The following SNAPC4 variants were observed in gnomAD, a reference collection of about 807,000 sequenced individuals.
SNAPC4 encodes the protein snRNA-activating protein complex subunit 4.
In SNAPC4, 127 loss-of-function variants were observed where a neutral mutation model predicts 151.3. The ratio of observed to expected loss-of-function variants is 0.84; its 90% CI spans 0.73 to 0.97. The LOEUF (loss-of-function observed/expected upper bound fraction) is 0.97. SNAPC4 is among the 50% of genes least tolerant of loss of function. The pLI, the probability that SNAPC4 is intolerant of heterozygous loss-of-function variation, is 0.00. For synonymous variants in SNAPC4, 1,002 were observed against 824.4 expected (o/e 1.22, Z -3.69); for missense variants, 2,186 against 1,935.0 (o/e 1.13, Z -2.43).
Position 136,378,625 on chromosome 9 carries a change from C to T in SNAPC4, c.3202G>A (p.Val1068Met). The part of the protein sequence containing the change: ...LSLTHIGGPH[V>M]ATSVPLPVTW... ...ACAGGCAGGGGGACACTGGTCGCCA[C>T]ATGTGGCCCTCCTATGTGCGTCAGG... Residue 1068 changes from valine to methionine, a missense_variant, in exon 22 of 24, where the codon GTG becomes ATG. Transcript: ENST00000684778. The T allele has an allele frequency of 6.4e-7, 1 of 1,560,552 alleles. No homozygotes were observed. Among genetic ancestry groups the T allele is most frequent in the South Asian group, 1.2e-5 (1 of 84,368 alleles).
Position 136,392,101 on chromosome 9 carries a change from T to C in SNAPC4, c.816A>G (p.Glu272=). The stretch of plus-strand genomic sequence containing the variant: ...GGATCTCCTCTGCACTGCGGCTGCC[T>C]TCAAACTGCACCGACAGAGACACTC... ...DWEKISNINF[E]GSRSAEEIRK... is the part of the protein sequence containing the mutation. The change falls in exon 10 of 24, where the codon GAA becomes GAG. Residue 272 remains glutamate, a synonymous_variant. Coordinates refer to ENST00000684778, the MANE Select transcript of SNAPC4 (RefSeq NM_003086.4). 1 of 1,611,892 alleles carries C rather than the reference T, an allele frequency of 6.2e-7. No individual in the cohort carries two copies. Among genetic ancestry groups the C allele is most frequent in the Non-Finnish European group, 8.5e-7 (1 of 1,179,980 alleles).
At chr9:136,397,134 G>T in intron 2 of SNAPC4, 111 bp from the exon 3 acceptor site, 1 of 953,300 alleles carries the variant, frequency 1.0e-6, no homozygotes, top group Non-Finnish European at 1.7e-6. Flanking sequence ...TAGTGACAGC[G>T]CCTCAGGCTG....
chr9:136,377,943 G>C lies in SNAPC4; in HGVS notation c.3884C>G (p.Pro1295Arg). Residue 1295 changes from proline to arginine, a missense_variant, in exon 22 of 24, where the codon CCT (proline) becomes CGT (arginine). Pro to Arg is a moderately radical substitution (Grantham distance 103, BLOSUM62 -2). Coordinates refer to ENST00000684778, the MANE Select transcript of SNAPC4 (RefSeq NM_003086.4). ...ATAGGGCAGTCTGCTGCCCAGAAGA[G>C]GCACACGCACCCCCCGCTGGCCCCC... ...WLGGQRGVRVPLLGSRLPYQP... is the reference protein window; with the variant it reads ...WLGGQRGVRVRLLGSRLPYQP... The C allele has an allele frequency of 6.2e-7, 1 of 1,605,922 alleles. No individual in the cohort carries two copies. The highest frequency in any genetic ancestry group is 8.5e-7 in the Non-Finnish European group (1 of 1,176,470).
rs1321717295 is a variant in SNAPC4, at chr9:136,378,620, C to T, written c.3207G>A (p.Ala1069=). 6 of 1,564,922 alleles carry T rather than the reference C, an allele frequency of 3.8e-6. No homozygotes were observed. The highest frequency in any genetic ancestry group is 5.2e-6 in the Non-Finnish European group (6 of 1,158,268). The change falls in exon 22 of 24, where the codon GCG becomes GCA. Residue 1069 remains alanine, a synonymous_variant. Coordinates refer to ENST00000684778, the MANE Select transcript of SNAPC4 (RefSeq NM_003086.4). ...SLTHIGGPHV[A]TSVPLPVTWV... The stretch of plus-strand genomic sequence containing the variant: ...AGGTGACAGGCAGGGGGACACTGGT[C>T]GCCACATGTGGCCCTCCTATGTGCG...
At chr9:136,385,612 G>A (rs1833864644) in intron 13 of SNAPC4, among the ~76,000 whole-genome samples, 1 of 151,912 alleles carries the variant, frequency 6.6e-6, no homozygotes, top group African/African-American at 2.4e-5. Context: ...CTGGAGTGCA[G>A]TGGCGCAATC....
intron 13 of SNAPC4, among the ~76,000 whole-genome samples, chr9:136,387,043 C>T (rs1327074635): frequency 6.6e-6 from 1 of 152,248 alleles, no homozygotes; most frequent in Non-Finnish European, 1.5e-5. Flanking sequence ...CTGCGCCCAG[C>T]TTCGGAAATA....
intron 3 of SNAPC4, 48 bp downstream of exon 3, chr9:136,396,929 G>A: frequency 6.5e-7 from 1 of 1,543,420 alleles, no homozygotes; most frequent in Non-Finnish European, 9.0e-7. Flanking sequence ...TTTGGAAGGT[G>A]GTGGCAGGCC....
rs200142063 is a variant in SNAPC4 at position 136,383,641 on chromosome 9, G to T, written c.1528C>A (p.Arg510=). 143 of 1,608,850 alleles carry T rather than the reference G, an allele frequency of 8.9e-5. 1 individual carries two copies. In the South Asian group the frequency reaches 1.5e-3, roughly 17 times the overall value. The change falls in exon 16 of 24, where the codon CGG becomes AGG. Residue 510 remains arginine (R), a synonymous_variant. Transcript: ENST00000684778. This position sits in a 1 kb window ranked among gnomAD's most constrained non-coding sequence, Gnocchi z 4.2. ...GKKQGLRRRR[R]RARHSVRWSS... is the part of the protein sequence containing the mutation. ...CACCGGACGCTGTGACGGGCCCTCC[G>T]CCGCCGCCTCCGGAGACCCTGCTTC...
intron 21 of SNAPC4, among the ~76,000 whole-genome samples, chr9:136,379,587 C>T (rs922780510): frequency 1.3e-5 from 2 of 152,208 alleles, no homozygotes; most frequent in African/African-American, 4.8e-5. Flanking sequence ...GGCGGACGCT[C>T]GCTCCAGACG....
chr9:136,376,226 C>G (rs1231442429), intron 23 of SNAPC4, 123 bp downstream of exon 23: 1 of 1,192,674 alleles, frequency 8.4e-7, no homozygotes, highest in Non-Finnish European at 1.2e-6. Flanking sequence ...TGGACCTGCC[C>G]ACCTAACCCA....
At chr9:136,381,490 C>T (rs570999340) in intron 18 of SNAPC4, 98 bp from the exon 19 acceptor site, 170 of 1,150,104 alleles carry the variant, frequency 1.5e-4, no homozygotes, top group Non-Finnish European at 2.0e-4. Flanking sequence ...CCTTTCGAGG[C>T]GGCTCTGGGA....
chr9:136,379,238 G>A lies in SNAPC4; in HGVS notation c.2589C>T (p.Ser863=). The change falls in exon 22 of 24, where the codon AGC becomes AGT. Residue 863 remains serine, a synonymous_variant. Transcript: ENST00000684778. The part of the protein sequence containing the change: ...EASKSASHKG[S]RRLASSRVER... ...CCACCCGGCTGGACGCCAGTCTTCG[G>A]CTCCCTTTGTGGCTGGCACTCTTTG... The A allele has an allele frequency of 6.2e-7, 1 of 1,612,630 alleles. No homozygotes were observed.
Position 136,378,263 on chromosome 9 carries a change from C to G in SNAPC4, c.3564G>C (p.Arg1188Ser). The G allele has an allele frequency of 1.2e-6, 2 of 1,607,616 alleles. No homozygotes were observed. The highest frequency in any genetic ancestry group is 1.7e-6 in the Non-Finnish European group (2 of 1,177,732). Residue 1188 changes from arginine (R) to serine (S), a missense_variant, in exon 22 of 24, where the codon AGG (arginine) becomes AGC (serine). By Grantham distance (110) the Arg-to-Ser change is moderately radical (BLOSUM62 -1). Coordinates refer to ENST00000684778, the MANE Select transcript of SNAPC4 (RefSeq NM_003086.4). ...CAGGAGGGTCAGCGTGGGAGGACGT[C>G]CTGGGCTCAGGTATCTCCCTGGCCA... ...AQVAREIPEPRTSSHADPPEA... is the reference protein window; with the variant it reads ...AQVAREIPEPSTSSHADPPEA...
intron 1 of SNAPC4, 179 bp from the exon 2 acceptor site, chr9:136,398,616 C>A: frequency 1.6e-6 from 1 of 639,916 alleles, no homozygotes; most frequent in Non-Finnish European, 2.7e-6. Flanking sequence ...ACAGGAACCT[C>A]AGACCCCACA....
intron 13 of SNAPC4, 134 bp from the exon 14 acceptor site, chr9:136,384,948 G>C (rs1380054934): frequency 3.8e-6 from 2 of 529,392 alleles, no homozygotes; most frequent in Non-Finnish European, 6.6e-6. Context: ...AGATAAAGTA[G>C]ACTTCATCAA....
At position 136,378,953 on chromosome 9, in the gene SNAPC4, G is replaced by A. The variant is rs771861637; in HGVS notation, c.2874C>T (p.Pro958=). Residue 958 remains proline, a synonymous_variant, in exon 22 of 24, where the codon CCC becomes CCT. Transcript: ENST00000684778. Reference sequence around the variant, plus strand: ...CAGAAGTGCCAGGTTTGGCTGCCGCGGGGGCCCCAGGCCCAGAGAGCGGTA... The same window carrying A: ...CAGAAGTGCCAGGTTTGGCTGCCGCAGGGGCCCCAGGCCCAGAGAGCGGTA... ...LNVPLSGPGA[P]AAAKPGTSGS... 1.3e-5 allele frequency: 21 copies of A among 1,608,030 alleles called. No homozygotes were observed. Among genetic ancestry groups the A allele is most frequent in the Middle Eastern group, 1.7e-4 (1 of 6,042 alleles).
chr9:136,377,616 T>C lies in SNAPC4; in HGVS notation c.4211A>G (p.Asp1404Gly). Residue 1404 changes from aspartate (D) to glycine (G), a missense_variant, in exon 22 of 24, where the codon GAC (aspartate) becomes GGC (glycine). By Grantham distance (94) the Asp-to-Gly change is moderately conservative. Transcript: ENST00000684778. ...SRVGSESEDE[D>G]LLSELELADR... is the part of the protein sequence containing the mutation. ...TGCAAGTTCCAGCTCACTCAGGAGG[T>C]CTTCATCCTCACTCTCAGAGCCCAC... 4.5e-6 allele frequency: 7 copies of C among 1,563,642 alleles called. No homozygotes were observed. Among genetic ancestry groups the C allele is most frequent in the Non-Finnish European group, 6.1e-6 (7 of 1,152,892 alleles).
intron 21 of SNAPC4, 34 bp downstream of exon 21, chr9:136,379,803 T>C (rs1755861528): frequency 1.2e-6 from 2 of 1,607,580 alleles, no homozygotes; most frequent in Non-Finnish European, 1.7e-6. Context: ...CCAGGTTAGG[T>C]CTCTTCCCCA....
chr9:136,381,702 A>C (rs1588744381), intron 18 of SNAPC4, 122 bp downstream of exon 18: 1 of 1,266,052 alleles, frequency 7.9e-7, no homozygotes, highest in South Asian at 1.4e-5. Flanking sequence ...GGTGGCGCCC[A>C]CCCCAAAAAG....
Sources: allele counts gnomAD v4.1 joint callset (sites outside exome capture counted in the v4.1 genomes callset), GRCh38; gene constraint gnomAD v4.1.1; non-coding constraint Gnocchi (gnomAD v3.1); transcripts MANE v1.5; gene names NCBI Gene and HGNC (gene_info 2026-07-23, HGNC 2026-07-21).